ASCC3: variants seen among roughly 807,000 people sequenced by gnomAD.
ASCC3 encodes the protein ASC-1 complex subunit P200.
In ASCC3, 158 loss-of-function variants were observed where a neutral mutation model predicts 256.3. The ratio of observed to expected loss-of-function variants is 0.62; its 90% CI spans 0.54 to 0.70. The LOEUF is 0.70. Among genes scored for constraint, ASCC3 ranks in the 30% least tolerant of loss-of-function variants. ASCC3 has a pLI of 0.00. For synonymous variants in ASCC3, 948 were observed against 883.4 expected (o/e 1.07, Z -1.30); for missense variants, 2,259 against 2,626.0 (o/e 0.86, Z 3.05).
chr6:100,770,404 GA>G (rs1327042372), intron 8 of ASCC3, among the ~76,000 whole-genome samples: 1 of 151,578 alleles, frequency 6.6e-6, no homozygotes, highest in East Asian at 1.9e-4. Flanking sequence ...CTAAAACCAG[GA>G]ATAGGAAGGG....
rs17061014 is a variant in ASCC3, at chr6:100,706,608, G to A, written c.2151+8854C>T. On this transcript the variant is annotated intron_variant, in intron 13 of 41. Coordinates refer to ENST00000369162, the MANE Select transcript of ASCC3 (RefSeq NM_006828.4). Reference sequence around the variant, plus strand: ...ACCAAAATCAAATTGTTTAACAGTCGTGCTTTCCAAGTACCTACTCGGCAA... The same window carrying A: ...ACCAAAATCAAATTGTTTAACAGTCATGCTTTCCAAGTACCTACTCGGCAA... 0.013 allele frequency among the ~76,000 whole-genome samples: 1,927 copies of A among 151,904 alleles called. 96 individuals are homozygous for A. In the East Asian group the frequency reaches 0.15, roughly 11 times the overall value.
At chr6:100,603,606 G>C (rs1772738260) in intron 33 of ASCC3, among the ~76,000 whole-genome samples, 1 of 151,950 alleles carries the variant, frequency 6.6e-6, no homozygotes, top group South Asian at 2.1e-4. Context: ...TTCTTTATCA[G>C]ATTAAGAACA....
At chr6:100,542,093 G>A (rs992284393) in intron 36 of ASCC3, among the ~76,000 whole-genome samples, 1 of 152,058 alleles carries the variant, frequency 6.6e-6, no homozygotes, top group Admixed American at 6.6e-5. Context: ...GTGGAAGGAA[G>A]GGCAGAAAAA....
intron 36 of ASCC3, among the ~76,000 whole-genome samples, chr6:100,569,360 G>A (rs1304990676): frequency 2.0e-5 from 3 of 151,726 alleles, no homozygotes; most frequent in African/African-American, 4.8e-5. Context: ...TGCTGTTTTG[G>A]TTACTGTAAC....
At chr6:100,677,437 T>G (rs927474142) in intron 14 of ASCC3, among the ~76,000 whole-genome samples, 22 of 152,156 alleles carry the variant, frequency 1.4e-4, no homozygotes, top group African/African-American at 5.3e-4. Flanking sequence ...GTGAAAATGG[T>G]GGACTTTGGA....
intron 36 of ASCC3, among the ~76,000 whole-genome samples, chr6:100,581,476 G>T (rs1771257028): frequency 6.6e-6 from 1 of 152,076 alleles, no homozygotes; most frequent in African/African-American, 2.4e-5. Context: ...GTAGATTCTG[G>T]ATATTAGCCT....
At chr6:100,771,941 A>G (rs1420186771) in intron 8 of ASCC3, among the ~76,000 whole-genome samples, 1 of 135,010 alleles carries the variant, frequency 7.4e-6, no homozygotes, top group Non-Finnish European at 1.5e-5. Context: ...TTGCAGAGGC[A>G]TGATCTCGGC....
intron 4 of ASCC3, among the ~76,000 whole-genome samples, chr6:100,832,314 T>C (rs1030786072): frequency 6.6e-5 from 10 of 152,144 alleles, no homozygotes; most frequent in African/African-American, 2.2e-4. Context: ...GAGAGAAAGA[T>C]AATCTTCCTA....
At chr6:100,749,630 T>C (rs897094392) in intron 10 of ASCC3, among the ~76,000 whole-genome samples, 10 of 151,946 alleles carry the variant, frequency 6.6e-5, no homozygotes, top group African/African-American at 2.4e-4. Context: ...AAATATATGA[T>C]CTAAAATAAT....
intron 37 of ASCC3, among the ~76,000 whole-genome samples, chr6:100,528,145 T>C (rs1190590654): frequency 6.6e-6 from 1 of 152,148 alleles, no homozygotes; most frequent in Non-Finnish European, 1.5e-5. Context: ...CCCATACATA[T>C]CTTAAGGTTA....
At chr6:100,526,422 T>C (rs1156507338) in intron 37 of ASCC3, among the ~76,000 whole-genome samples, 1 of 152,086 alleles carries the variant, frequency 6.6e-6, no homozygotes, top group East Asian at 1.9e-4. Flanking sequence ...CATCATATCA[T>C]CAACAAACCA....
Position 100,625,245 on chromosome 6 carries a change from A to G in ASCC3, c.4732T>C (p.Phe1578Leu), listed in dbSNP as rs776578673. Residue 1578 changes from phenylalanine (F) to leucine (L), a missense_variant, in exon 30 of 42, where the codon TTC (phenylalanine) becomes CTC (leucine). Transcript: ENST00000369162. ...TTTGGATCTTCTTCAGTAGCCAGGA[A>G]GGCGATCAATTCCAAAGCAGTAAGA... ...TRLTALELIA[F>L]LATEEDPKQW... 1.3e-5 allele frequency: 21 copies of G among 1,612,950 alleles called. No homozygotes were observed. The highest frequency in any genetic ancestry group is 4.5e-5 in the East Asian group (2 of 44,860).
chr6:100,649,934 T>A (rs1008122903), intron 20 of ASCC3, among the ~76,000 whole-genome samples: 9 of 151,542 alleles, frequency 5.9e-5, no homozygotes, highest in African/African-American at 2.2e-4. Flanking sequence ...ATTTGAACAG[T>A]TTATACCATG....
At chr6:100,601,718 T>G (rs968849641) in intron 34 of ASCC3, 92 bp downstream of exon 34, 2 of 1,495,612 alleles carry the variant, frequency 1.3e-6, no homozygotes, top group Non-Finnish European at 1.8e-6. Context: ...GTTCTGCCTT[T>G]TTTGTATGTA....
rs773892574 is a variant in ASCC3, at chr6:100,652,717, T to C, written c.2988+8A>G. The C allele has an allele frequency of 6.2e-7, 1 of 1,612,126 alleles. No homozygotes were observed. Among genetic ancestry groups the C allele is most frequent in the Non-Finnish European group, 8.5e-7 (1 of 1,178,422 alleles). ...CTAAAATCAAACATATTTGCATTAG[T>C]ATAATACCTCAATGGTGTTGTATTT... On this transcript the variant is annotated splice_region_variant and intron_variant, in intron 18 of 41. Transcript: ENST00000369162.
intron 10 of ASCC3, among the ~76,000 whole-genome samples, chr6:100,756,371 TTAAG>T (rs879770421): frequency 1.4e-4 from 22 of 152,202 alleles, no homozygotes; most frequent in Admixed American, 1.3e-4. Flanking sequence ...TTAATTTAAC[TTAAG>T]TAATTCAGTA....
chr6:100,817,049 C>T lies in ASCC3; in HGVS notation c.802-11169G>A, dbSNP rs182520335. 3.9e-5 allele frequency among the ~76,000 whole-genome samples: 6 copies of T among 152,048 alleles called. No homozygotes were observed. The South Asian group carries it at 6.2e-4, about 16-fold the overall frequency. On this transcript the variant is annotated intron_variant, in intron 4 of 41. Transcript: ENST00000369162. Reference sequence around the variant, plus strand: ...GCAGAACATACATTCTTCTCTAGCACGCATGAAACTTCTCCAGGATAGATC... The same window carrying T: ...GCAGAACATACATTCTTCTCTAGCATGCATGAAACTTCTCCAGGATAGATC...
intron 3 of ASCC3, among the ~76,000 whole-genome samples, chr6:100,851,174 A>AT (rs1772647734): frequency 6.6e-6 from 1 of 152,182 alleles, no homozygotes; most frequent in South Asian, 2.1e-4. Flanking sequence ...ATTAAACAAG[A>AT]TTAACATTAG....
At chr6:100,789,726 A>G (rs1401612339) in intron 8 of ASCC3, among the ~76,000 whole-genome samples, 1 of 152,022 alleles carries the variant, frequency 6.6e-6, no homozygotes, top group East Asian at 1.9e-4. Flanking sequence ...TAATACGTAA[A>G]GACTTGAAGG....
Sources: allele counts gnomAD v4.1 joint callset (sites outside exome capture counted in the v4.1 genomes callset), GRCh38; gene constraint gnomAD v4.1.1; transcripts MANE v1.5; gene names NCBI Gene and HGNC (gene_info 2026-07-23, HGNC 2026-07-21).